TRIM49: variants seen among roughly 807,000 people sequenced by gnomAD.
TRIM49 encodes tripartite motif containing 49.
In TRIM49, 5 loss-of-function variants were observed where a neutral mutation model predicts 27.4. That is an observed-to-expected ratio of 0.18 (90% CI 0.10 to 0.38). The LOEUF (loss-of-function observed/expected upper bound fraction) is 0.38, where lower values mean the gene tolerates loss of function less well. Among genes scored for constraint, TRIM49 ranks in the 10% least tolerant of loss-of-function variants. The probability of loss-of-function intolerance (pLI) is 1.00; values close to 1 mark genes in which losing one functional copy is unlikely to be tolerated. For missense variants in TRIM49, 188 were observed against 487.5 expected, an observed-to-expected ratio of 0.39 and a Z score of 5.79; for synonymous variants, 69 against 166.0, an observed-to-expected ratio of 0.42 and a Z score of 4.49.
At chr11:89,769,972 G>A in the TRIM49 span, among the ~76,000 whole-genome samples, 1 of 135,298 alleles carries the variant, frequency 7.4e-6, no homozygotes, top group Non-Finnish European at 1.5e-5. Context: ...AGTACACAGA[G>A]CCAATCAAAT....
the TRIM49 span, among the ~76,000 whole-genome samples, chr11:89,777,761 A>G: frequency 6.8e-5 from 10 of 146,786 alleles, 1 homozygote; most frequent in Non-Finnish European, 1.3e-4. Context: ...CACTTTTCAC[A>G]TCCAAATTAT....
chr11:89,807,476 G>T (rs1949796692), intron 1 of TRIM49, among the ~76,000 whole-genome samples, 192 bp from the exon 2 acceptor site: 1 of 151,186 alleles, frequency 6.6e-6, no homozygotes, highest in African/African-American at 2.5e-5. Flanking sequence ...GCATACATAG[G>T]CTAGAAATTA....
At chr11:89,782,521 G>C in the TRIM49 span, 1 of 883,784 alleles carries the variant, frequency 1.1e-6, no homozygotes, top group Non-Finnish European at 1.7e-6. Context: ...TAACCACCTT[G>C]AATGTATACA....
chr11:89,768,106 A>C, the TRIM49 span: 2 of 751,436 alleles, frequency 2.7e-6, no homozygotes, highest in Non-Finnish European at 4.3e-6. Context: ...CTAGATGAAA[A>C]ATCGTTACAC....
downstream of TRIM49, among the ~76,000 whole-genome samples, chr11:89,793,433 A>G (rs1337779855): frequency 6.6e-6 from 1 of 152,192 alleles, no homozygotes; most frequent in Non-Finnish European, 1.5e-5. Flanking sequence ...ACAACAAAAA[A>G]AGAGAATTTT....
chr11:89,794,498 C>G (rs928481736), downstream of TRIM49, among the ~76,000 whole-genome samples: 12 of 151,714 alleles, frequency 7.9e-5, no homozygotes, highest in East Asian at 1.2e-3. Context: ...TACTGCAAGG[C>G]TACAGTAACC....
downstream of TRIM49, among the ~76,000 whole-genome samples, chr11:89,795,936 T>C (rs1353183959): frequency 6.6e-5 from 10 of 151,864 alleles, no homozygotes; most frequent in Admixed American, 5.3e-4. Context: ...GAAGACACAC[T>C]GAATATGCAT....
chr11:89,775,855 A>G, the TRIM49 span, among the ~76,000 whole-genome samples: 1 of 149,976 alleles, frequency 6.7e-6, no homozygotes, highest in Non-Finnish European at 1.5e-5. Context: ...GATAAAAGCT[A>G]CTTTATTTAT....
chr11:89,783,954 C>T, the TRIM49 span, among the ~76,000 whole-genome samples: 6 of 143,576 alleles, frequency 4.2e-5, 1 homozygote, highest in African/African-American at 8.4e-5. Flanking sequence ...GCAGGAAAGC[C>T]GGGAGAAAAG....
At chr11:89,792,620 T>G in the TRIM49 span, among the ~76,000 whole-genome samples, 12 of 152,172 alleles carry the variant, frequency 7.9e-5, no homozygotes, top group East Asian at 2.3e-3. Context: ...ACATGGAAAC[T>G]GAACAACCTG....
At chr11:89,774,135 G>A in the TRIM49 span, among the ~76,000 whole-genome samples, 1 of 149,726 alleles carries the variant, frequency 6.7e-6, no homozygotes, top group Non-Finnish European at 1.5e-5. Flanking sequence ...CAAGTAGCTA[G>A]GATTACAAGT....
At chr11:89,777,163 C>A in the TRIM49 span, 1 of 1,550,024 alleles carries the variant, frequency 6.5e-7, no homozygotes, top group South Asian at 1.2e-5. Flanking sequence ...CTCAGAGAAG[C>A]CCAACTTCAA....
At chr11:89,767,973 C>T in the TRIM49 span, among the ~76,000 whole-genome samples, 2 of 137,626 alleles carry the variant, frequency 1.5e-5, no homozygotes, top group South Asian at 2.2e-4. Flanking sequence ...AGCCCTTCTG[C>T]GTGTTTTACT....
At chr11:89,805,890 GTAT>G (rs1254484942) in intron 2 of TRIM49, among the ~76,000 whole-genome samples, 4 of 149,758 alleles carry the variant, frequency 2.7e-5, no homozygotes, top group Non-Finnish European at 5.9e-5. Context: ...GCTAATTTTT[GTAT>G]TTTTTTAGTA....
At chr11:89,807,483 A>G (rs1358796694) in intron 1 of TRIM49, among the ~76,000 whole-genome samples, 199 bp from the exon 2 acceptor site, 1 of 151,218 alleles carries the variant, frequency 6.6e-6, no homozygotes, top group Non-Finnish European at 1.5e-5. Flanking sequence ...TAGGCTAGAA[A>G]TTAACTAAGA....
At chr11:89,802,997 A>G (rs1362240655) in intron 4 of TRIM49, among the ~76,000 whole-genome samples, 2 of 150,590 alleles carry the variant, frequency 1.3e-5, no homozygotes, top group Non-Finnish European at 3.0e-5. Context: ...CTCATGAAAT[A>G]CTTTTCAACA....
At chr11:89,772,195 T>A in the TRIM49 span, among the ~76,000 whole-genome samples, 1 of 138,256 alleles carries the variant, frequency 7.2e-6, no homozygotes, top group Admixed American at 6.8e-5. Context: ...TTCTTTTTAT[T>A]TTCTTAATAT....
chr11:89,796,944 A>G (rs1303544682), downstream of TRIM49, among the ~76,000 whole-genome samples: 156 of 150,490 alleles, frequency 1.0e-3, no homozygotes, highest in African/African-American at 3.7e-3. Flanking sequence ...TATCTAGCCC[A>G]TAAGAAATGC....
At chr11:89,770,201 CTGAG>C in the TRIM49 span, among the ~76,000 whole-genome samples, 1 of 119,522 alleles carries the variant, frequency 8.4e-6, no homozygotes. Context: ...CTTCAGTATT[CTGAG>C]TAAGATTTTG....
Sources: gnomAD v4.1 joint callset for allele counts (sites outside exome capture counted in the v4.1 genomes callset) on GRCh38, gnomAD v4.1.1 for gene constraint, MANE v1.5 for transcripts, NCBI Gene and HGNC (gene_info 2026-07-23, HGNC 2026-07-21) for gene names.